NEO1: variants seen among roughly 807,000 people sequenced by gnomAD.
The protein encoded by NEO1 is neogenin 1.
A neutral mutation model predicts 159.7 loss-of-function variants in NEO1; 63 were observed. The ratio of observed to expected loss-of-function variants is 0.39; its 90% CI spans 0.32 to 0.49. The LOEUF (loss-of-function observed/expected upper bound fraction) is 0.49. Among genes scored for constraint, NEO1 ranks in the 20% least tolerant of loss-of-function variants. The pLI is 0.85. For synonymous variants in NEO1, 633 were observed against 662.0 expected (o/e 0.96, Z 0.67); for missense variants, 1,615 against 1,831.0 (o/e 0.88, Z 2.15).
chr15:73,164,602 A>C lies in NEO1; in HGVS notation c.1016-11801A>C, dbSNP rs957726242. ...TAGCTACTCTCTGACAGGAATATGA[A>C]ATTGGTACAGCCTTTGGTAATATTT... is the stretch of plus-strand genomic sequence containing the variant. On this transcript the variant is annotated intron_variant, in intron 5 of 28. Transcript: ENST00000261908. Among the ~76,000 whole-genome samples, 7 of 152,214 alleles carry C rather than the reference A, an allele frequency of 4.6e-5. 1 individual carries two copies. Among genetic ancestry groups the C allele is most frequent in the Admixed American group, 4.6e-4 (7 of 15,284 alleles).
chr15:73,272,360 TGCCC>T, intron 18 of NEO1, 91 bp from the exon 19 acceptor site: 1 of 796,818 alleles, frequency 1.3e-6, no homozygotes, highest in Admixed American at 2.6e-5. Context: ...TTTTGCCTTG[TGCCC>T]TTTATTTTGC....
At chr15:73,080,802 A>G (rs2069007741) in intron 1 of NEO1, among the ~76,000 whole-genome samples, 1 of 152,164 alleles carries the variant, frequency 6.6e-6, no homozygotes, top group Admixed American at 6.5e-5. Flanking sequence ...GAAGTTGGGT[A>G]GGACTGGAAG....
intron 1 of NEO1, among the ~76,000 whole-genome samples, chr15:73,078,750 C>T (rs150538780): frequency 7.2e-5 from 11 of 152,294 alleles, no homozygotes; most frequent in Non-Finnish European, 1.5e-4. Context: ...ACACTAGCAG[C>T]GCTGGGTGTT....
At chr15:73,135,424 C>G (rs924252516) in intron 4 of NEO1, among the ~76,000 whole-genome samples, 1 of 152,142 alleles carries the variant, frequency 6.6e-6, no homozygotes, top group Non-Finnish European at 1.5e-5. Context: ...GCACTGTGAC[C>G]CCATGACTTA....
rs535598227 is a variant in NEO1 at position 73,072,586 on chromosome 15, G to A, written c.130+19781G>A. ...GTAAAGTTCACACTTGTGGGAATGA[G>A]ATAGGGTAGGAATACATGTAAACAA... On this transcript the variant is annotated intron_variant, in intron 1 of 28. Transcript: ENST00000261908. 7.6e-4 allele frequency among the ~76,000 whole-genome samples: 115 copies of A among 152,298 alleles called. 1 individual carries two copies. In the South Asian group the frequency reaches 0.024, roughly 31 times the overall value.
chr15:73,301,604 G>A, intron 28 of NEO1, 147 bp downstream of exon 28: 1 of 1,059,880 alleles, frequency 9.4e-7, no homozygotes, highest in Non-Finnish European at 1.4e-6. Flanking sequence ...AGTAGATACA[G>A]TGTTGAGCAT....
intron 7 of NEO1, among the ~76,000 whole-genome samples, chr15:73,193,947 G>A (rs186067570): frequency 1.3e-5 from 2 of 152,080 alleles, no homozygotes; most frequent in Non-Finnish European, 2.9e-5. Context: ...ATGAAGATGG[G>A]AAGAGGTGTA....
At chr15:73,222,257 A>G (rs2038336592) in intron 7 of NEO1, among the ~76,000 whole-genome samples, 1 of 151,114 alleles carries the variant, frequency 6.6e-6, no homozygotes, top group African/African-American at 2.4e-5. Flanking sequence ...GGCACCCACC[A>G]TCACACCCAG....
Position 73,284,081 on chromosome 15 carries a change from A to G in NEO1, c.3410+970A>G, listed in dbSNP as rs760653442. Among the ~76,000 whole-genome samples the G allele has an allele frequency of 9.4e-4, 143 of 152,198 alleles. 1 individual carries two copies. Among genetic ancestry groups the G allele is most frequent in the Non-Finnish European group, 1.6e-3 (108 of 68,028 alleles). Reference sequence around the variant, plus strand: ...GGGGCTCAGTTATGTAGTGCTTGCTAATACCATACAGTCCTACACTTGAAA... The same window carrying G: ...GGGGCTCAGTTATGTAGTGCTTGCTGATACCATACAGTCCTACACTTGAAA... On this transcript the variant is annotated intron_variant, in intron 23 of 28. Transcript: ENST00000261908.
At chr15:73,159,410 C>T (rs1042314137) in intron 5 of NEO1, among the ~76,000 whole-genome samples, 10 of 151,232 alleles carry the variant, frequency 6.6e-5, no homozygotes, top group African/African-American at 2.2e-4. Flanking sequence ...GAATATGACT[C>T]CACACCTTTG....
At chr15:73,249,378 A>G (rs1189404319) in intron 10 of NEO1, among the ~76,000 whole-genome samples, 170 bp downstream of exon 10, 2 of 152,202 alleles carry the variant, frequency 1.3e-5, no homozygotes, top group African/African-American at 2.4e-5. Context: ...TGTAGTTTTT[A>G]CCAGCAGTGG....
chr15:73,165,875 C>T (rs371095833), intron 5 of NEO1, among the ~76,000 whole-genome samples: 30 of 152,292 alleles, frequency 2.0e-4, no homozygotes, highest in African/African-American at 4.3e-4. Flanking sequence ...TGCATGCAGG[C>T]GGTTAGCTTG....
intron 7 of NEO1, among the ~76,000 whole-genome samples, chr15:73,214,384 C>T (rs994883877): frequency 2.6e-5 from 4 of 152,160 alleles, no homozygotes; most frequent in Non-Finnish European, 5.9e-5. Context: ...ATGTTATCTT[C>T]TAGAATTTTT....
chr15:73,151,633 A>G (rs180920549), intron 5 of NEO1, among the ~76,000 whole-genome samples: 2 of 152,316 alleles, frequency 1.3e-5, no homozygotes, highest in Non-Finnish European at 2.9e-5. Context: ...AGAAGTGCCA[A>G]GCAAACCCTT....
intron 3 of NEO1, among the ~76,000 whole-genome samples, chr15:73,123,963 T>C (rs1418614072): frequency 6.6e-6 from 1 of 152,200 alleles, no homozygotes; most frequent in East Asian, 1.9e-4. Context: ...TTTGTCGTTA[T>C]CCCTCGTCAT....
intron 1 of NEO1, among the ~76,000 whole-genome samples, chr15:73,075,305 C>G (rs928154450): frequency 6.6e-6 from 1 of 151,996 alleles, no homozygotes; most frequent in Non-Finnish European, 1.5e-5. Flanking sequence ...GTTGTGGTGC[C>G]TGTGTTGCTT....
chr15:73,234,735 G>GA (rs532243098), intron 7 of NEO1, among the ~76,000 whole-genome samples: 6 of 150,716 alleles, frequency 4.0e-5, no homozygotes, highest in Admixed American at 6.6e-5. Context: ...CAAGGGAGGA[G>GA]AAAAAAAAAG....
chr15:73,133,023 G>T (rs542224312), intron 4 of NEO1, among the ~76,000 whole-genome samples: 29 of 152,160 alleles, frequency 1.9e-4, no homozygotes, highest in Admixed American at 1.3e-4. Flanking sequence ...CAGCAATCCC[G>T]TTCCTGTATC....
intron 16 of NEO1, among the ~76,000 whole-genome samples, 169 bp from the exon 17 acceptor site, chr15:73,269,841 A>G (rs2041092010): frequency 1.3e-5 from 2 of 152,228 alleles, no homozygotes; most frequent in South Asian, 4.1e-4. Flanking sequence ...AAAGAACACA[A>G]GTGGAAATAG....
Sources: gnomAD v4.1 joint callset for allele counts (sites outside exome capture counted in the v4.1 genomes callset) on GRCh38, gnomAD v4.1.1 for gene constraint, MANE v1.5 for transcripts, NCBI Gene and HGNC (gene_info 2026-07-23, HGNC 2026-07-21) for gene names.